The following HTD2 variants were observed in gnomAD, a reference collection of about 807,000 sequenced individuals.
The protein encoded by HTD2 is hydroxyacyl-thioester dehydratase type 2.
A neutral mutation model predicts 3.1 loss-of-function variants in HTD2; 1 was observed. The observed-to-expected ratio is 0.32, with a 90% CI of 0.11 to 1.52. The LOEUF (loss-of-function observed/expected upper bound fraction) is 1.52, where lower values mean the gene tolerates loss of function less well. HTD2 is among the 40% of genes most tolerant of loss of function. The pLI is 0.39. For missense variants in HTD2, 150 were observed against 79.6 expected, an observed-to-expected ratio of 1.88 and a Z score of -3.36; for synonymous variants, 50 against 28.9, an observed-to-expected ratio of 1.73 and a Z score of -2.34.
intron 1 of HTD2, among the ~76,000 whole-genome samples, chr3:58,309,170 G>A (rs1277668360): frequency 6.6e-6 from 1 of 152,198 alleles, no homozygotes; most frequent in African/African-American, 2.4e-5. Flanking sequence ...TTTGTGTTCT[G>A]TGTTGACTGA....
upstream of HTD2, chr3:58,306,329 T>C (rs1412696855): frequency 3.3e-5 from 5 of 152,418 alleles, no homozygotes; most frequent in South Asian, 6.2e-4. Flanking sequence ...GGCCCAGCTG[T>C]GGCTGCTGCC....
At chr3:58,310,789 G>A (rs527931379) in intron 2 of HTD2, among the ~76,000 whole-genome samples, 198 bp downstream of exon 2, 2 of 152,046 alleles carry the variant, frequency 1.3e-5, no homozygotes, top group African/African-American at 4.8e-5. Context: ...GATAAGCTGG[G>A]TGTGGTGGCA....
At chr3:58,315,655 C>A (rs76577409) in intron 2 of HTD2, 6,971 of 152,226 alleles carry the variant, frequency 0.046, 560 homozygotes, top group African/African-American at 0.16. Flanking sequence ...GTGCATGAAC[C>A]TCCCTGTACA....
intron 1 of HTD2, among the ~76,000 whole-genome samples, chr3:58,309,841 A>G (rs2097480163): frequency 6.6e-6 from 1 of 152,008 alleles, no homozygotes; most frequent in East Asian, 1.9e-4. Context: ...GCAGTGAGCC[A>G]AGATTGTGCC....
At position 58,306,584 on chromosome 3, in the gene HTD2, C is replaced by G. The variant is rs1199691093; in HGVS notation, c.-483C>G. On this transcript the variant is annotated 5_prime_UTR_variant, in exon 1 of 5. Transcript: ENST00000461393. ...GCCGCGTAGGGTCTCGGCCGCAGAA[C>G]GTGGCCGAGAGGCCCGGGCGAGACT... is the stretch of plus-strand genomic sequence containing the variant. 1.3e-5 allele frequency: 2 copies of G among 152,024 alleles called. No homozygotes were observed. The highest frequency in any genetic ancestry group is 1.3e-4 in the Admixed American group (2 of 15,282). The allele number at this position is 152,024 out of a possible 1,614,324, so 9.4% of individuals were successfully genotyped here.
chr3:58,309,366 T>G (rs1424977677), intron 1 of HTD2, among the ~76,000 whole-genome samples: 1 of 152,206 alleles, frequency 6.6e-6, no homozygotes, highest in Non-Finnish European at 1.5e-5. Flanking sequence ...AAAATGGGAA[T>G]AATAATACCT....
At chr3:58,316,783 T>G in intron 3 of HTD2, 132 bp from the exon 4 acceptor site, 2 of 895,182 alleles carry the variant, frequency 2.2e-6, no homozygotes, top group Non-Finnish European at 3.5e-6. Flanking sequence ...ACTTACGATT[T>G]GGTTACAGCT....
At position 58,317,001 on chromosome 3, in the gene HTD2, CTA is replaced by C; in HGVS notation, c.-175+10_-175+11del. 1 of 1,604,332 alleles carries C rather than the reference CTA, an allele frequency of 6.2e-7. No homozygotes were observed. The highest frequency in any genetic ancestry group is 8.5e-7 in the Non-Finnish European group (1 of 1,171,514). On this transcript the variant is annotated intron_variant, in intron 4 of 4. Coordinates refer to ENST00000461393, the MANE Select transcript of HTD2 (RefSeq NM_001348712.2). ...GCTTTCCGGGTGATTCAGGTAAAGA[CTA>C]TTCCCTCACATATTCCAAACAAGAC...
rs371122412 is a variant in HTD2 at position 58,306,890 on chromosome 3, A to G, written c.-416+239A>G. 7.9e-5 allele frequency among the ~76,000 whole-genome samples: 12 copies of G among 152,354 alleles called. No homozygotes were observed. The East Asian group carries it at 1.4e-3, about 17-fold the overall frequency. Reference sequence around the variant, plus strand: ...GTACAGATAAAGATAAACGAGTTACATAATTGTCATAGAAAAAGGCAAATG... The same window carrying G: ...GTACAGATAAAGATAAACGAGTTACGTAATTGTCATAGAAAAAGGCAAATG... On this transcript the variant is annotated intron_variant, in intron 1 of 4. Transcript: ENST00000461393.
chr3:58,306,942 C>G (rs563826850), intron 1 of HTD2, among the ~76,000 whole-genome samples: 4 of 152,136 alleles, frequency 2.6e-5, no homozygotes, highest in African/African-American at 9.6e-5. Flanking sequence ...AGGGACGGGG[C>G]ATGGGGGTGG....
At chr3:58,309,646 C>T (rs1433701330) in intron 1 of HTD2, among the ~76,000 whole-genome samples, 1 of 152,190 alleles carries the variant, frequency 6.6e-6, no homozygotes, top group East Asian at 1.9e-4. Flanking sequence ...AATACCGGCA[C>T]TCTGGGAGGC....
chr3:58,306,425 G>A (rs1254430011), upstream of HTD2: 1 of 152,342 alleles, frequency 6.6e-6, no homozygotes, highest in Non-Finnish European at 1.5e-5. Context: ...TGGGTAGGTG[G>A]AAGCCTTCCA....
At chr3:58,312,386 A>G (rs1333981080) in intron 2 of HTD2, among the ~76,000 whole-genome samples, 1 of 108,756 alleles carries the variant, frequency 9.2e-6, no homozygotes, top group Non-Finnish European at 1.7e-5. Context: ...CAGCCTCCCG[A>G]GTAGCTGAGA....
At chr3:58,311,620 A>G (rs114599015) in intron 2 of HTD2, among the ~76,000 whole-genome samples, 2,583 of 149,576 alleles carry the variant, frequency 0.017, 72 homozygotes, top group African/African-American at 0.06. Flanking sequence ...TGTAATATAT[A>G]CCACTTTTTT....
At position 58,317,482 on chromosome 3, in the gene HTD2, C is replaced by T; in HGVS notation, c.-132C>T. On this transcript the variant is annotated 5_prime_UTR_variant, in exon 5 of 5. Coordinates refer to ENST00000461393, the MANE Select transcript of HTD2 (RefSeq NM_001348712.2). ...TGCATTATCTGGTAATAGTAGGGAACTAGTATTGGATTGAATGAATAGTCT... is the reference window on the plus strand; with the variant it reads ...TGCATTATCTGGTAATAGTAGGGAATTAGTATTGGATTGAATGAATAGTCT... 6.3e-7 allele frequency: 1 copy of T among 1,592,178 alleles called. No homozygotes were observed. Among genetic ancestry groups the T allele is most frequent in the Non-Finnish European group, 8.6e-7 (1 of 1,161,452 alleles).
In HTD2 at chr3:58,319,103, A is replaced by C. The variant is rs2097491689; in HGVS notation, c.*983A>C. 6.6e-6 allele frequency: 1 copy of C among 152,250 alleles called. No homozygotes were observed. The highest frequency in any genetic ancestry group is 1.5e-5 in the Non-Finnish European group (1 of 68,044). 9.4% of individuals were successfully genotyped at this position (152,250 alleles called of 1,614,324 possible). On this transcript the variant is annotated 3_prime_UTR_variant, in exon 5 of 5. Coordinates refer to ENST00000461393, the MANE Select transcript of HTD2 (RefSeq NM_001348712.2). Reference sequence around the variant, plus strand: ...GGAAGCAGCTTGTCACTGTATTTTAACTGTGTAACAATTATTGAAGGCGAA... The same window carrying C: ...GGAAGCAGCTTGTCACTGTATTTTACCTGTGTAACAATTATTGAAGGCGAA...
intron 2 of HTD2, among the ~76,000 whole-genome samples, chr3:58,313,728 G>T (rs766307664): frequency 2.0e-5 from 3 of 152,248 alleles, no homozygotes; most frequent in African/African-American, 7.2e-5. Context: ...AGGAGGCTGA[G>T]GTGGGAGGAT....
intron 2 of HTD2, among the ~76,000 whole-genome samples, chr3:58,313,327 T>C (rs2097484514): frequency 1.3e-5 from 2 of 152,218 alleles, no homozygotes; most frequent in Admixed American, 1.3e-4. Context: ...ACTATTGGTT[T>C]ATATTCTGAT....
intron 4 of HTD2, 120 bp from the exon 5 acceptor site, chr3:58,317,320 G>A (rs995077697): frequency 2.1e-5 from 14 of 669,518 alleles, no homozygotes; most frequent in Non-Finnish European, 3.7e-5. Context: ...CTCTCAGGAT[G>A]CTCTGTAAAA....
Sources: gnomAD v4.1 joint callset for allele counts (sites outside exome capture counted in the v4.1 genomes callset) on GRCh38, gnomAD v4.1.1 for gene constraint, MANE v1.5 for transcripts, NCBI Gene and HGNC (gene_info 2026-07-23, HGNC 2026-07-21) for gene names.